The following RGS6 variants were observed in gnomAD, a reference collection of about 807,000 sequenced individuals.
RGS6 encodes the protein regulator of G-protein signaling 6.
A neutral mutation model predicts 78.5 loss-of-function variants in RGS6; 30 were observed. The ratio of observed to expected loss-of-function variants is 0.38; its 90% confidence interval spans 0.29 to 0.52. The LOEUF is 0.52. Ranked by LOEUF, RGS6 falls within the 20% of genes least tolerant of loss-of-function variation. The pLI is 0.85. For missense variants in RGS6, 495 were observed against 609.7 expected (o/e 0.81, Z 1.98); for synonymous variants, 206 against 206.0 (o/e 1.00, Z 0.00).
intron 3 of RGS6, among the ~76,000 whole-genome samples, chr14:72,359,139 A>C (rs931759613): frequency 6.6e-6 from 1 of 152,176 alleles, no homozygotes; most frequent in Non-Finnish European, 1.5e-5. Context: ...CTTTCCAGCC[A>C]TGCTGTACTG....
chr14:72,528,927 CTT>C (rs2097149747), intron 15 of RGS6, among the ~76,000 whole-genome samples: 2 of 152,218 alleles, frequency 1.3e-5, no homozygotes, highest in African/African-American at 4.8e-5. Flanking sequence ...CTGCCAAGAG[CTT>C]TGTACACTTG....
At chr14:72,138,230 A>T (rs537903792) in intron 2 of RGS6, among the ~76,000 whole-genome samples, 1 of 152,304 alleles carries the variant, frequency 6.6e-6, no homozygotes, top group South Asian at 2.1e-4. Flanking sequence ...AATATAAGCT[A>T]CATCACCTGT....
intron 2 of RGS6, among the ~76,000 whole-genome samples, chr14:72,045,369 G>A (rs2092749232): frequency 6.6e-6 from 1 of 152,072 alleles, no homozygotes; most frequent in South Asian, 2.1e-4. Flanking sequence ...AAGGTTTTAT[G>A]TTAATCTAGA....
In RGS6 at chr14:72,322,565, A is replaced by G. The variant is rs887787945; in HGVS notation, c.85-29530A>G. 2.6e-5 allele frequency among the ~76,000 whole-genome samples: 4 copies of G among 152,116 alleles called. No individual in the cohort carries two copies. In the East Asian group the frequency reaches 5.8e-4, roughly 22 times the overall value. On this transcript the variant is annotated intron_variant, in intron 2 of 17. Coordinates refer to ENST00000553525, the MANE Select transcript of RGS6 (RefSeq NM_001204424.2). ...TTTCTGAAGCTAGCATGCATCATGC[A>G]TATTCTGATAAATAGAGCACACAAA...
chr14:72,016,604 A>G (rs1482202674), intron 2 of RGS6, among the ~76,000 whole-genome samples: 1 of 152,122 alleles, frequency 6.6e-6, no homozygotes, highest in Non-Finnish European at 1.5e-5. Context: ...TGACCTCGTG[A>G]TCCGCCCTCC....
At chr14:72,035,425 A>C (rs1322243281) in intron 2 of RGS6, among the ~76,000 whole-genome samples, 1 of 151,834 alleles carries the variant, frequency 6.6e-6, no homozygotes, top group African/African-American at 2.4e-5. Flanking sequence ...AAAAAAACTC[A>C]ATTTTTGTTG....
intron 2 of RGS6, among the ~76,000 whole-genome samples, chr14:72,171,823 C>T (rs990305025): frequency 2.0e-5 from 3 of 152,074 alleles, no homozygotes; most frequent in Non-Finnish European, 2.9e-5. Context: ...ATCATTTAAC[C>T]CTTACAACAA....
At chr14:72,589,677 C>T in the RGS6 span, among the ~76,000 whole-genome samples, 1 of 152,138 alleles carries the variant, frequency 6.6e-6, no homozygotes, top group African/African-American at 2.4e-5. Flanking sequence ...TCCTAAGGAA[C>T]AAACCAGATT....
chr14:72,370,051 A>G (rs1040239965), intron 3 of RGS6, among the ~76,000 whole-genome samples: 2 of 152,092 alleles, frequency 1.3e-5, no homozygotes, highest in African/African-American at 4.8e-5. Flanking sequence ...CCATATATAC[A>G]TTTATATAAT....
chr14:72,310,000 C>G (rs982522970), intron 2 of RGS6, among the ~76,000 whole-genome samples: 1 of 152,236 alleles, frequency 6.6e-6, no homozygotes, highest in African/African-American at 2.4e-5. Flanking sequence ...AGGGTGCCAG[C>G]TGCCCATGTC....
intron 2 of RGS6, among the ~76,000 whole-genome samples, chr14:72,042,439 T>C (rs1028604237): frequency 2.6e-5 from 4 of 152,146 alleles, no homozygotes; most frequent in Admixed American, 1.3e-4. Context: ...TCTAATACTT[T>C]TCTAATTATG....
intron 2 of RGS6, among the ~76,000 whole-genome samples, chr14:72,244,085 G>A (rs1213161409): frequency 1.3e-5 from 2 of 152,152 alleles, no homozygotes; most frequent in South Asian, 2.1e-4. Context: ...CTAAACATAC[G>A]GAGTCAACCT....
chr14:72,608,106 T>A, the RGS6 span, among the ~76,000 whole-genome samples: 101 of 152,198 alleles, frequency 6.6e-4, no homozygotes, highest in African/African-American at 2.3e-3. Flanking sequence ...TTCCCTCAAT[T>A]TCCCCCTTGA....
At chr14:71,891,766 T>C in the RGS6 span, among the ~76,000 whole-genome samples, 5 of 152,314 alleles carry the variant, frequency 3.3e-5, no homozygotes, top group Admixed American at 3.3e-4. Context: ...AAAGTGCATG[T>C]TTAACTCTGT....
the RGS6 span, among the ~76,000 whole-genome samples, chr14:71,905,651 G>A: frequency 3.3e-5 from 5 of 152,030 alleles, no homozygotes; most frequent in South Asian, 6.2e-4. Flanking sequence ...CACGCTGACC[G>A]GATAATTTTT....
At chr14:72,188,156 G>A (rs534040148) in intron 2 of RGS6, among the ~76,000 whole-genome samples, 4 of 152,084 alleles carry the variant, frequency 2.6e-5, no homozygotes, top group South Asian at 2.1e-4. Context: ...GATAAGCTTC[G>A]TCCAGGCCTG....
intron 2 of RGS6, among the ~76,000 whole-genome samples, chr14:72,314,186 G>C (rs1488100980): frequency 6.6e-6 from 1 of 152,136 alleles, no homozygotes; most frequent in Non-Finnish European, 1.5e-5. Flanking sequence ...CTGTGTTCGG[G>C]GTTGGAAGTT....
chr14:72,410,034 G>A (rs887409109), intron 3 of RGS6, among the ~76,000 whole-genome samples: 6 of 152,212 alleles, frequency 3.9e-5, no homozygotes, highest in African/African-American at 1.2e-4. Context: ...ACATGTGCAT[G>A]TGTCTTTATA....
chr14:71,997,569 C>G (rs908614439), intron 2 of RGS6, among the ~76,000 whole-genome samples: 4 of 152,130 alleles, frequency 2.6e-5, no homozygotes, highest in African/African-American at 9.7e-5. Context: ...AAAAGGTTAA[C>G]CCTTGGTGCA....
Sources: allele counts gnomAD v4.1 joint callset (sites outside exome capture counted in the v4.1 genomes callset), GRCh38; gene constraint gnomAD v4.1.1; transcripts MANE v1.5; gene names NCBI Gene and HGNC (gene_info 2026-07-23, HGNC 2026-07-21).